The following SLIT3 variants were observed in gnomAD, a reference collection of about 807,000 sequenced individuals.
SLIT3 encodes slit homolog 3 protein.
In SLIT3, 68 loss-of-function variants were observed where a neutral mutation model predicts 184.0. The ratio of observed to expected loss-of-function variants is 0.37; its 90% CI spans 0.30 to 0.45. SLIT3 has a LOEUF of 0.45. Ranked by LOEUF, SLIT3 falls within the 20% of genes least tolerant of loss-of-function variation. The pLI, the probability that SLIT3 is intolerant of heterozygous loss-of-function variation, is 1.00. For synonymous variants in SLIT3, 831 were observed against 828.6 expected, an observed-to-expected ratio of 1.00 and a Z score of -0.05; for missense variants, 1,707 against 2,026.0, an observed-to-expected ratio of 0.84 and a Z score of 3.02.
At chr5:168,920,940 G>C (rs142368154) in intron 4 of SLIT3, among the ~76,000 whole-genome samples, 20 of 152,032 alleles carry the variant, frequency 1.3e-4, no homozygotes, top group African/African-American at 4.8e-4. Flanking sequence ...TATATCCTAC[G>C]GGATAACTGC....
chr5:168,755,401 CTTT>C (rs1561913303), intron 16 of SLIT3, among the ~76,000 whole-genome samples: 4 of 17,384 alleles, frequency 2.3e-4, no homozygotes, highest in East Asian at 4.1e-3. Context: ...TTCTTTCTTT[CTTT>C]CTTTCTTTCT....
rs1760865965 is a variant in SLIT3 at position 168,661,900 on chromosome 5, A to G, written c.*4554T>C. The G allele has an allele frequency of 6.6e-6, 1 of 152,174 alleles. No individual in the cohort carries two copies. The highest frequency in any genetic ancestry group is 2.4e-5 in the African/African-American group (1 of 41,440). 9.4% of individuals were successfully genotyped at this position (152,174 alleles called of 1,614,324 possible). On this transcript the variant is annotated 3_prime_UTR_variant, in exon 36 of 36. Transcript: ENST00000519560. ...ACATTGTTTTAAAAAATCTTCAAAA[A>G]TTTCCTATTAGAACCTATCATTGAA...
chr5:169,146,828 C>T (rs1469229264), intron 4 of SLIT3, among the ~76,000 whole-genome samples: 2 of 152,194 alleles, frequency 1.3e-5, no homozygotes, highest in African/African-American at 4.8e-5. Context: ...AGGGTACCAA[C>T]CCATTATCTT....
At chr5:168,941,596 C>T (rs1165143160) in intron 4 of SLIT3, among the ~76,000 whole-genome samples, 2 of 152,150 alleles carry the variant, frequency 1.3e-5, no homozygotes, top group African/African-American at 2.4e-5. Context: ...AAGACTTCTT[C>T]CCAAGTGGAG....
chr5:168,776,878 C>G (rs1020127720), intron 12 of SLIT3, among the ~76,000 whole-genome samples: 1 of 151,984 alleles, frequency 6.6e-6, no homozygotes, highest in African/African-American at 2.4e-5. Context: ...TGTTCTAAAC[C>G]TTGACATTCA....
chr5:168,724,822 T>C (rs1763057335), intron 20 of SLIT3, among the ~76,000 whole-genome samples: 1 of 152,158 alleles, frequency 6.6e-6, no homozygotes, highest in Non-Finnish European at 1.5e-5. Context: ...ACTCATTTTA[T>C]ACTCAGCCCT....
intron 10 of SLIT3, chr5:168,791,453 G>A (rs955340328): frequency 7.9e-5 from 12 of 152,146 alleles, no homozygotes; most frequent in Non-Finnish European, 1.8e-4. Flanking sequence ...AATTGACCTT[G>A]GTCACTTTGT....
chr5:168,697,263 A>G (rs1007454940), intron 27 of SLIT3, among the ~76,000 whole-genome samples: 1 of 152,180 alleles, frequency 6.6e-6, no homozygotes, highest in African/African-American at 2.4e-5. Context: ...CTTGGCTTCA[A>G]ACGCTGTGGG....
intron 6 of SLIT3, among the ~76,000 whole-genome samples, chr5:168,840,899 A>G (rs147201771): frequency 2.7e-3 from 416 of 152,320 alleles, no homozygotes; most frequent in Non-Finnish European, 5.0e-3. Flanking sequence ...CTGGGGCGAC[A>G]AGTGTATCAG....
chr5:168,882,364 C>T (rs967445739), intron 5 of SLIT3, among the ~76,000 whole-genome samples: 16 of 152,066 alleles, frequency 1.1e-4, no homozygotes, highest in Admixed American at 7.2e-4. Context: ...CCAGGAGTCA[C>T]GAATAAGGGG....
intron 34 of SLIT3, among the ~76,000 whole-genome samples, chr5:168,670,318 T>TTTACCATCTTAAATAAGAA (rs1223086544): frequency 6.6e-6 from 1 of 152,202 alleles, no homozygotes; most frequent in African/African-American, 2.4e-5. Flanking sequence ...TTTTAATTGC[T>TTTACCATCTTAAATAAGAA]TTACCATCTT....
chr5:168,956,371 G>C (rs994170174), intron 4 of SLIT3, among the ~76,000 whole-genome samples: 3 of 152,146 alleles, frequency 2.0e-5, no homozygotes, highest in Non-Finnish European at 4.4e-5. Flanking sequence ...GGAGAAAACT[G>C]TCTACATTTA....
intron 20 of SLIT3, among the ~76,000 whole-genome samples, chr5:168,746,604 GGGTGT>G (rs1399207412): frequency 1.7e-5 from 2 of 120,064 alleles, no homozygotes; most frequent in Non-Finnish European, 3.5e-5. Flanking sequence ...GTGGTGGTGT[GGGTGT>G]GGTGTGTAGT....
chr5:168,903,500 C>T (rs1017041568), intron 4 of SLIT3, among the ~76,000 whole-genome samples: 3 of 152,188 alleles, frequency 2.0e-5, no homozygotes, highest in Non-Finnish European at 2.9e-5. Flanking sequence ...CAGCATGATG[C>T]CAAGGTCACA....
At chr5:169,281,935 G>T (rs1038850662) in intron 1 of SLIT3, among the ~76,000 whole-genome samples, 1 of 152,210 alleles carries the variant, frequency 6.6e-6, no homozygotes, top group African/African-American at 2.4e-5. Context: ...TGAAACAAGG[G>T]TACAGCTGGA....
intron 10 of SLIT3, among the ~76,000 whole-genome samples, chr5:168,792,964 C>T (rs902744977): frequency 6.6e-6 from 1 of 152,150 alleles, no homozygotes; most frequent in Admixed American, 6.5e-5. Flanking sequence ...TATAAATTAC[C>T]TTCAGCCTAT....
chr5:168,946,187 C>T (rs182277029), intron 4 of SLIT3, among the ~76,000 whole-genome samples: 128 of 152,268 alleles, frequency 8.4e-4, no homozygotes, highest in African/African-American at 2.8e-3. Flanking sequence ...TCACTATACA[C>T]GTTGACCCTT....
chr5:168,690,942 C>T (rs940862493), intron 29 of SLIT3, among the ~76,000 whole-genome samples: 6 of 152,160 alleles, frequency 3.9e-5, no homozygotes, highest in African/African-American at 1.2e-4. Context: ...CCAGTGGAGC[C>T]GTCCTTCCTT....
At chr5:169,032,466 T>C (rs915816732) in intron 4 of SLIT3, among the ~76,000 whole-genome samples, 10 of 152,252 alleles carry the variant, frequency 6.6e-5, no homozygotes, top group African/African-American at 2.4e-4. Context: ...TCATATTTAG[T>C]TCATACCATG....
Sources: allele counts gnomAD v4.1 joint callset (sites outside exome capture counted in the v4.1 genomes callset), GRCh38; gene constraint gnomAD v4.1.1; transcripts MANE v1.5; gene names NCBI Gene and HGNC (gene_info 2026-07-23, HGNC 2026-07-21).